GATAD1: variants seen among roughly 807,000 people sequenced by gnomAD.
GATAD1 encodes GATA zinc finger domain containing 1, also known as GATA zinc finger domain-containing protein 1.
Under a neutral mutation model 26.5 loss-of-function variants are expected in GATAD1, and 12 were observed. That is an observed-to-expected ratio of 0.45 (90% confidence interval 0.29 to 0.73). The LOEUF (loss-of-function observed/expected upper bound fraction) is 0.73. Ranked by LOEUF, GATAD1 falls within the 30% of genes least tolerant of loss-of-function variation. GATAD1 has a pLI of 0.10. For missense variants in GATAD1, 266 were observed against 342.1 expected, an observed-to-expected ratio of 0.78 and a Z score of 1.75; for synonymous variants, 129 against 133.1, an observed-to-expected ratio of 0.97 and a Z score of 0.21.
At chr7:92,490,528 A>G in the GATAD1 span, among the ~76,000 whole-genome samples, 1 of 151,132 alleles carries the variant, frequency 6.6e-6, no homozygotes, top group East Asian at 2.0e-4. Context: ...CCAGCTACTC[A>G]GGAGGCTGAG....
chr7:92,473,237 C>G, the GATAD1 span: 1 of 152,162 alleles, frequency 6.6e-6, no homozygotes, highest in Non-Finnish European at 1.5e-5. Context: ...GAACAACAGC[C>G]TCATTGATAA....
the GATAD1 span, among the ~76,000 whole-genome samples, chr7:92,485,082 G>A: frequency 6.6e-6 from 1 of 152,160 alleles, no homozygotes; most frequent in Non-Finnish European, 1.5e-5. Flanking sequence ...TGAGCCAGGA[G>A]AAGGAATTTC....
downstream of GATAD1, among the ~76,000 whole-genome samples, chr7:92,463,994 T>G (rs1351103427): frequency 6.6e-6 from 1 of 152,166 alleles, no homozygotes; most frequent in East Asian, 1.9e-4. Context: ...TTGTAAGTTT[T>G]GTTATGCATA....
chr7:92,451,620 C>T (rs1275203150), intron 3 of GATAD1, among the ~76,000 whole-genome samples: 3 of 152,202 alleles, frequency 2.0e-5, no homozygotes, highest in African/African-American at 7.2e-5. Flanking sequence ...GGTACACTGG[C>T]ATTCCTCAGC....
At chr7:92,453,977 C>T (rs1394585960) in intron 3 of GATAD1, 1 of 162,312 alleles carries the variant, frequency 6.2e-6, no homozygotes, top group African/African-American at 2.4e-5. Context: ...TTTGCCCAAC[C>T]CCACAGAATA....
At chr7:92,469,966 A>G in the GATAD1 span, 2 of 776,858 alleles carry the variant, frequency 2.6e-6, no homozygotes, top group Non-Finnish European at 2.4e-6. Context: ...GGTGCCATGT[A>G]CCCGGGTGAG....
chr7:92,489,081 A>G, the GATAD1 span, among the ~76,000 whole-genome samples: 3 of 152,248 alleles, frequency 2.0e-5, no homozygotes, highest in Admixed American at 2.0e-4. Context: ...TTCAAATATA[A>G]TCAAATGAAC....
the GATAD1 span, among the ~76,000 whole-genome samples, chr7:92,488,702 T>C: frequency 6.6e-6 from 1 of 152,164 alleles, no homozygotes; most frequent in Admixed American, 6.5e-5. Context: ...CTTTTAATTT[T>C]CCTTCTTATT....
At chr7:92,491,501 T>G in the GATAD1 span, 2 of 1,587,546 alleles carry the variant, frequency 1.3e-6, no homozygotes, top group Admixed American at 3.3e-5. Context: ...GGAACTTCCA[T>G]CCTAAAATAC....
the GATAD1 span, among the ~76,000 whole-genome samples, chr7:92,483,118 G>C: frequency 0.058 from 8,760 of 152,240 alleles, 528 homozygotes; most frequent in East Asian, 0.28. Context: ...AGTTCCAGGG[G>C]CTCTGGGATT....
chr7:92,485,464 C>T, the GATAD1 span, among the ~76,000 whole-genome samples: 1 of 152,206 alleles, frequency 6.6e-6, no homozygotes, highest in African/African-American at 2.4e-5. Context: ...TGGCCCCTGA[C>T]CTAATTCTCA....
chr7:92,495,548 TTTTG>T, the GATAD1 span, among the ~76,000 whole-genome samples: 3 of 152,346 alleles, frequency 2.0e-5, no homozygotes, highest in South Asian at 6.2e-4. Context: ...TTTTGGTCAA[TTTTG>T]TTTTTGTCTA....
intron 2 of GATAD1, chr7:92,449,190 G>T: frequency 9.7e-7 from 1 of 1,027,800 alleles, no homozygotes; most frequent in Non-Finnish European, 1.2e-6. Context: ...GAAGAGGAGA[G>T]ATTATGGTTC....
the GATAD1 span, chr7:92,492,906 C>T: frequency 7.0e-7 from 1 of 1,426,796 alleles, no homozygotes; most frequent in Non-Finnish European, 9.9e-7. Context: ...CATTGTACTT[C>T]TTTTATCACT....
intron 3 of GATAD1, among the ~76,000 whole-genome samples, chr7:92,451,257 TC>T (rs1419442884): frequency 6.6e-6 from 1 of 152,126 alleles, no homozygotes; most frequent in Non-Finnish European, 1.5e-5. Context: ...TGAGAGGAAT[TC>T]CAAGATGTTT....
chr7:92,493,132 G>T, the GATAD1 span: 2 of 1,529,310 alleles, frequency 1.3e-6, no homozygotes, highest in Non-Finnish European at 1.8e-6. Context: ...CGTGACACCT[G>T]AAAGGAGAAA....
the GATAD1 span, among the ~76,000 whole-genome samples, chr7:92,477,042 A>T: frequency 6.6e-6 from 1 of 152,162 alleles, no homozygotes; most frequent in Non-Finnish European, 1.5e-5. Flanking sequence ...AGAAGGAAAG[A>T]TAGGGGTGCA....
chr7:92,462,078 A>G (rs1789940166), downstream of GATAD1, among the ~76,000 whole-genome samples: 1 of 152,240 alleles, frequency 6.6e-6, no homozygotes, highest in South Asian at 2.1e-4. Context: ...AAGTATTAAA[A>G]GTACTTCTTG....
chr7:92,477,746 G>A, the GATAD1 span: 2 of 178,474 alleles, frequency 1.1e-5, no homozygotes, highest in African/African-American at 2.4e-5. Flanking sequence ...GGAGCACAGC[G>A]GACACCCTGC....
Sources: gnomAD v4.1 joint callset for allele counts (sites outside exome capture counted in the v4.1 genomes callset) on GRCh38, gnomAD v4.1.1 for gene constraint, MANE v1.5 for transcripts, NCBI Gene and HGNC (gene_info 2026-07-23, HGNC 2026-07-21) for gene names.